Variants in SRGAP3 observed in about 807,000 individuals in gnomAD.
The protein encoded by SRGAP3 is SLIT-ROBO Rho GTPase-activating protein 3.
SRGAP3 carries 39 observed loss-of-function variants against 121.1 expected under a neutral mutation model. The ratio of observed to expected loss-of-function variants is 0.32; its 90% CI spans 0.25 to 0.42. The LOEUF is 0.42. Ranked by LOEUF, SRGAP3 falls within the 10% of genes least tolerant of loss-of-function variation. The pLI is 1.00. For missense variants in SRGAP3, 1,213 were observed against 1,470.6 expected, an observed-to-expected ratio of 0.82 and a Z score of 2.86; for synonymous variants, 601 against 570.0, an observed-to-expected ratio of 1.05 and a Z score of -0.77.
chr3:9,249,679 C>A (rs373456808), upstream of SRGAP3: 29 of 233,114 alleles, frequency 1.2e-4, no homozygotes, highest in Middle Eastern at 1.3e-3. Flanking sequence ...AGCTCTCCCC[C>A]ACTGCTCACG....
intron 1 of SRGAP3, among the ~76,000 whole-genome samples, chr3:9,357,476 A>C (rs996431807): frequency 1.3e-5 from 2 of 152,042 alleles, no homozygotes; most frequent in African/African-American, 4.8e-5. Context: ...TCCTAGGCTC[A>C]AGTGATCCTC....
chr3:9,080,199 A>T, intron 3 of SRGAP3, 112 bp from the exon 4 acceptor site: 1 of 978,540 alleles, frequency 1.0e-6, no homozygotes, highest in Non-Finnish European at 1.6e-6. Context: ...CAGAAGGGGT[A>T]CAGAAATCAG....
At chr3:9,353,399 G>A (rs916399883) in intron 1 of SRGAP3, among the ~76,000 whole-genome samples, 1 of 152,230 alleles carries the variant, frequency 6.6e-6, no homozygotes, top group Non-Finnish European at 1.5e-5. Context: ...CCTTCTTCCA[G>A]TAATCTCAGT....
At chr3:9,053,368 A>C in intron 8 of SRGAP3, 144 bp from the exon 9 acceptor site, 4 of 896,776 alleles carry the variant, frequency 4.5e-6, no homozygotes, top group Non-Finnish European at 7.0e-6. Flanking sequence ...TTCTCACTGT[A>C]TTAATGTGGA....
chr3:9,305,283 A>G (rs1000640631), intron 3 of SRGAP3, among the ~76,000 whole-genome samples: 1 of 150,372 alleles, frequency 6.7e-6, no homozygotes, highest in African/African-American at 2.5e-5. Context: ...GCAGCTCAAG[A>G]AGAGTGTGAC....
Position 9,218,845 on chromosome 3 carries a change from G to A in SRGAP3, c.67+30040C>T, listed in dbSNP as rs570068975. ...GAACCACCACACCTGGCTAATTTTT[G>A]TATTTTTAGTAGAGATGGGGTTTCA... On this transcript the variant is annotated intron_variant, in intron 1 of 21. Coordinates refer to ENST00000383836, the MANE Select transcript of SRGAP3 (RefSeq NM_014850.4). The surrounding 1 kb of genome is among the most constrained non-coding windows in gnomAD (Gnocchi z 5.3). Among the ~76,000 whole-genome samples the A allele has an allele frequency of 1.3e-5, 2 of 151,888 alleles. No individual in the cohort carries two copies. The highest frequency in any genetic ancestry group is 3.4e-3 in the Middle Eastern group (1 of 294).
intron 1 of SRGAP3, among the ~76,000 whole-genome samples, chr3:9,240,603 C>T (rs564713562): frequency 1.2e-4 from 18 of 152,274 alleles, no homozygotes; most frequent in African/African-American, 3.4e-4. Context: ...GTGGGCACTA[C>T]GCTACAGCAA....
chr3:9,183,389 G>C (rs1391917226), intron 1 of SRGAP3, among the ~76,000 whole-genome samples: 1 of 152,138 alleles, frequency 6.6e-6, no homozygotes, highest in African/African-American at 2.4e-5. Flanking sequence ...AATTAAATGA[G>C]GTCATGAAAA....
chr3:9,287,054 C>T (rs905695946), intron 3 of SRGAP3, among the ~76,000 whole-genome samples: 58 of 126,684 alleles, frequency 4.6e-4, no homozygotes, highest in African/African-American at 1.7e-3. Flanking sequence ...TGGAGTACTG[C>T]ATTTATGGCT....
chr3:9,010,365 C>A lies in SRGAP3; in HGVS notation c.2170G>T (p.Gly724Trp). 6.2e-7 allele frequency: 1 copy of A among 1,614,104 alleles called. No homozygotes were observed. The highest frequency in any genetic ancestry group is 8.5e-7 in the Non-Finnish European group (1 of 1,180,008). The change falls in exon 18 of 22, where the codon GGG becomes TGG. Residue 724 changes from glycine (G) to tryptophan (W), a missense_variant. This residue lies in a region of SRGAP3 where 793 missense variants were observed against 1,032.9 expected (regional missense o/e 0.77). Transcript: ENST00000383836. ...EYCDSPHSEPGAIDEVDHDNG... is the reference protein window; with the variant it reads ...EYCDSPHSEPWAIDEVDHDNG... ...TCATGGTCAACTTCATCGATGGCCCCTGGCTCGCTGTGTGGGCTGTCACTG... is the reference window on the plus strand; with the variant it reads ...TCATGGTCAACTTCATCGATGGCCCATGGCTCGCTGTGTGGGCTGTCACTG...
chr3:9,051,333 C>T (rs1945564577), intron 9 of SRGAP3, among the ~76,000 whole-genome samples: 1 of 152,178 alleles, frequency 6.6e-6, no homozygotes, highest in Non-Finnish European at 1.5e-5. Flanking sequence ...TTTAACAACT[C>T]TGTCTTTGGC....
At position 9,013,727 on chromosome 3, in the gene SRGAP3, A is replaced by G; in HGVS notation, c.1919+10T>C. 1 of 1,614,068 alleles carries G rather than the reference A, an allele frequency of 6.2e-7. No individual in the cohort carries two copies. The highest frequency in any genetic ancestry group is 8.5e-7 in the Non-Finnish European group (1 of 1,179,924). On this transcript the variant is annotated intron_variant, in intron 16 of 21. Coordinates refer to ENST00000383836, the MANE Select transcript of SRGAP3 (RefSeq NM_014850.4). ...TGAGTCAAAAAGGGGCCCCTTGGCC[A>G]GACACTCACTGGTTGAGGAAAGCGA...
rs1191182149 is a variant in SRGAP3, at chr3:9,140,119, G to GCA, written c.68-15204_68-15203dup. On this transcript the variant is annotated intron_variant, in intron 1 of 21. Transcript: ENST00000383836. ...AATAATTCTCCTTCTAGGCTCAGAG[G>GCA]CATACACACACACACACACACACAC... Among the ~76,000 whole-genome samples the GCA allele has an allele frequency of 1.0e-4, 12 of 116,396 alleles. 1 individual carries two copies. The highest frequency in any genetic ancestry group is 3.6e-4 in the Admixed American group (4 of 11,112). 76.4% of individuals were successfully genotyped at this position (116,396 alleles called of 152,430 possible). A position where few individuals can be genotyped will look rare whatever the true frequency, so the allele number is the denominator to read the frequency against.
chr3:9,064,865 A>AAATT (rs767378671), intron 4 of SRGAP3, among the ~76,000 whole-genome samples: 2 of 45,126 alleles, frequency 4.4e-5, no homozygotes, highest in African/African-American at 1.5e-4. Flanking sequence ...AAATAATAAT[A>AAATT]AATAAATAAA....
chr3:9,224,285 T>TA (rs1237557337), intron 1 of SRGAP3, among the ~76,000 whole-genome samples: 1 of 152,094 alleles, frequency 6.6e-6, no homozygotes, highest in Non-Finnish European at 1.5e-5. Flanking sequence ...CCAAACTAGG[T>TA]AGCAGCCATG....
chr3:9,074,458 G>A (rs1303859259), intron 4 of SRGAP3, among the ~76,000 whole-genome samples: 1 of 152,198 alleles, frequency 6.6e-6, no homozygotes, highest in Admixed American at 6.5e-5. Flanking sequence ...TGCTCTTCCA[G>A]CACGCAGGGC....
intron 1 of SRGAP3, among the ~76,000 whole-genome samples, chr3:9,135,087 T>G (rs1949595400): frequency 6.6e-6 from 1 of 152,226 alleles, no homozygotes; most frequent in South Asian, 2.1e-4. Context: ...TGTGGCTATT[T>G]GCATTTAATT....
In SRGAP3 at chr3:8,993,181, C is replaced by T. The variant is rs527479741; in HGVS notation, c.2409-126G>A. On this transcript the variant is annotated intron_variant, in intron 19 of 21. Transcript: ENST00000383836. ...TTATGGTTACTTTGTGCCCACAGCG[C>T]TTGCTAGGCCACTGCCCACTGGGTG... is the stretch of plus-strand genomic sequence containing the variant. 1.2e-3 allele frequency: 1,776 copies of T among 1,465,904 alleles called. 3 individuals carry two copies. The highest frequency in any genetic ancestry group is 1.4e-3 in the Non-Finnish European group (1,521 of 1,077,370). The allele number at this position is 1,465,904 out of a possible 1,614,324, so 90.8% of individuals were successfully genotyped here.
intron 3 of SRGAP3, among the ~76,000 whole-genome samples, chr3:9,301,381 G>A (rs1041664144): frequency 6.6e-6 from 1 of 152,258 alleles, no homozygotes; most frequent in Non-Finnish European, 1.5e-5. Flanking sequence ...TTGAGGTTCA[G>A]AAGAAACAGG....
Sources: gnomAD v4.1 joint callset for allele counts (sites outside exome capture counted in the v4.1 genomes callset) on GRCh38, gnomAD v4.1.1 for gene constraint, gnomAD v4.1.1 regional missense constraint, Gnocchi (gnomAD v3.1) non-coding constraint, MANE v1.5 for transcripts, NCBI Gene and HGNC (gene_info 2026-07-23, HGNC 2026-07-21) for gene names.